GGA2: variants seen among roughly 807,000 people sequenced by gnomAD.
The protein encoded by GGA2 is ADP-ribosylation factor-binding protein GGA2.
GGA2 carries 48 observed loss-of-function variants against 79.5 expected under a neutral mutation model. The ratio of observed to expected loss-of-function variants is 0.60; its 90% confidence interval spans 0.48 to 0.77. The LOEUF (loss-of-function observed/expected upper bound fraction) is 0.77. Ranked by LOEUF, GGA2 falls within the 30% of genes least tolerant of loss-of-function variation. The probability of loss-of-function intolerance (pLI) is 0.00; values close to 1 mark genes in which losing one functional copy is unlikely to be tolerated. For missense variants in GGA2, 770 were observed against 774.0 expected, an observed-to-expected ratio of 0.99 and a Z score of 0.06; for synonymous variants, 317 against 302.0, an observed-to-expected ratio of 1.05 and a Z score of -0.51.
intron 1 of GGA2, among the ~76,000 whole-genome samples, chr16:23,519,927 T>C (rs1405434344): frequency 1.3e-5 from 2 of 152,214 alleles, no homozygotes; most frequent in Non-Finnish European, 2.9e-5. Context: ...CTAACATTTA[T>C]TAAATGCCAT....
intron 2 of GGA2, among the ~76,000 whole-genome samples, chr16:23,518,708 C>G (rs1396534356): frequency 2.2e-5 from 1 of 45,540 alleles, no homozygotes; most frequent in Non-Finnish European, 5.3e-5. Context: ...GGAAGTGATA[C>G]TGGTAACTGT....
At chr16:23,493,675 A>T (rs1964818709) in intron 3 of GGA2, 2 of 528,572 alleles carry the variant, frequency 3.8e-6, no homozygotes, top group Non-Finnish European at 6.8e-6. Context: ...GTTTATGCCC[A>T]GGAAATAGCT....
intron 2 of GGA2, among the ~76,000 whole-genome samples, chr16:23,515,696 G>GTA (rs1240338944): frequency 6.6e-6 from 1 of 152,032 alleles, no homozygotes; most frequent in African/African-American, 2.4e-5. Flanking sequence ...TCTGTCCTTG[G>GTA]TACTCCTGGA....
chr16:23,473,862 C>T (rs543541050), intron 14 of GGA2, among the ~76,000 whole-genome samples: 1 of 152,094 alleles, frequency 6.6e-6, no homozygotes, highest in Non-Finnish European at 1.5e-5. Flanking sequence ...AATCAAAAAT[C>T]AATAAAGAAA....
chr16:23,495,721 C>G lies in GGA2; in HGVS notation c.149G>C (p.Cys50Ser), dbSNP rs1964846672. 1 of 1,611,648 alleles carries G rather than the reference C, an allele frequency of 6.2e-7. No individual in the cohort carries two copies. The highest frequency in any genetic ancestry group is 8.5e-7 in the Non-Finnish European group (1 of 1,177,926). The change falls in exon 2 of 17, where the codon TGT (cysteine) becomes TCT (serine). Residue 50 changes from cysteine to serine, a missense_variant. Coordinates refer to ENST00000309859, the MANE Select transcript of GGA2 (RefSeq NM_015044.4). ...ATTGGGGTCAGTGTTCACCTGCTCA[C>G]AGAAATTCTGGATAGCTGACCAATC... ...EQDWSAIQNF[C>S]EQVNTDPNGP...
chr16:23,485,543 G>A (rs868525803), intron 8 of GGA2, among the ~76,000 whole-genome samples: 23 of 152,016 alleles, frequency 1.5e-4, no homozygotes, highest in Admixed American at 3.3e-4. Flanking sequence ...AATGAAAATC[G>A]ATGTTCACAC....
chr16:23,470,388 C>T (rs1241595501), intron 14 of GGA2, among the ~76,000 whole-genome samples: 1 of 152,140 alleles, frequency 6.6e-6, no homozygotes, highest in Non-Finnish European at 1.5e-5. Flanking sequence ...AACCATCATA[C>T]ACACACCACC....
chr16:23,470,022 T>C lies in GGA2; in HGVS notation c.1594A>G (p.Ile532Val), dbSNP rs568617546. 6.4e-7 allele frequency: 1 copy of C among 1,571,016 alleles called. No individual in the cohort carries two copies. The highest frequency in any genetic ancestry group is 1.4e-5 in the African/African-American group (1 of 73,358). The stretch of plus-strand genomic sequence containing the variant: ...TTTGGCACAGCCACTTGAAACATGA[T>C]ATCCCAGACAGGCTGGGGAGCCGTG... ...MSTAPQPVWD[I>V]MFQVAVPKSM... Residue 532 changes from isoleucine to valine, a missense_variant, in exon 15 of 17, where the codon ATC (isoleucine) becomes GTC (valine). Physicochemically the swap from Ile to Val is conservative, Grantham distance 29. Coordinates refer to ENST00000309859, the MANE Select transcript of GGA2 (RefSeq NM_015044.4).
At chr16:23,493,278 C>T (rs913824131) in intron 4 of GGA2, 82 bp downstream of exon 4, 2 of 842,330 alleles carry the variant, frequency 2.4e-6, no homozygotes, top group Admixed American at 1.7e-5. Context: ...CGTGGGCCTG[C>T]CTCTGGCCTG....
chr16:23,491,667 C>G lies in GGA2; in HGVS notation c.475+10G>C. On this transcript the variant is annotated intron_variant, in intron 5 of 16. Coordinates refer to ENST00000309859, the MANE Select transcript of GGA2 (RefSeq NM_015044.4). Reference sequence around the variant, plus strand: ...CAAGAGGAAATAAGACACAGTAAGGCAAGTCAGACCTTGTTTCTTCAGCAT... The same window carrying G: ...CAAGAGGAAATAAGACACAGTAAGGGAAGTCAGACCTTGTTTCTTCAGCAT... The G allele has an allele frequency of 6.2e-7, 1 of 1,612,388 alleles. No homozygotes were observed. The highest frequency in any genetic ancestry group is 1.1e-5 in the South Asian group (1 of 91,018).
At chr16:23,473,837 A>G (rs1438255090) in intron 14 of GGA2, among the ~76,000 whole-genome samples, 1 of 152,358 alleles carries the variant, frequency 6.6e-6, no homozygotes, top group East Asian at 1.9e-4. Flanking sequence ...AACATTGAAC[A>G]TGTATTATTT....
At chr16:23,504,172 T>C (rs978191328) in intron 1 of GGA2, among the ~76,000 whole-genome samples, 1 of 151,916 alleles carries the variant, frequency 6.6e-6, no homozygotes, top group Non-Finnish European at 1.5e-5. Flanking sequence ...CTACACCATT[T>C]TACAGATGAA....
chr16:23,501,568 A>G (rs1181406509), intron 1 of GGA2: 2 of 325,108 alleles, frequency 6.2e-6, no homozygotes, highest in Admixed American at 4.2e-5. Context: ...AGGCTGTGTC[A>G]TGGCCGTGTG....
chr16:23,492,237 A>G (rs1016397603), intron 4 of GGA2, among the ~76,000 whole-genome samples: 3 of 152,208 alleles, frequency 2.0e-5, no homozygotes, highest in Non-Finnish European at 2.9e-5. Context: ...GTGAGTGCCT[A>G]GAGAGCTTCA....
chr16:23,494,056 G>T (rs950580551), intron 3 of GGA2: 6 of 533,264 alleles, frequency 1.1e-5, no homozygotes, highest in Non-Finnish European at 2.0e-5. Flanking sequence ...AAGGGCAAAT[G>T]AAATAAAACC....
At position 23,466,456 on chromosome 16, in the gene GGA2, TCTC is replaced by T. The variant is rs1302956340; in HGVS notation, c.*1131_*1133del. The T allele has an allele frequency of 6.6e-6, 1 of 152,206 alleles. No individual in the cohort carries two copies. Among genetic ancestry groups the T allele is most frequent in the African/African-American group, 2.4e-5 (1 of 41,452 alleles). 9.4% of individuals were successfully genotyped at this position (152,206 alleles called of 1,614,324 possible). A position where few individuals can be genotyped will look rare whatever the true frequency, so the allele number is the denominator to read the frequency against. ...TGCCTCAGATCTTCAGGTTCTCTCTTCTCTGAGGCAGCTAAGCTTCTACATCCT... is the reference window on the plus strand; with the variant it reads ...TGCCTCAGATCTTCAGGTTCTCTCTTTGAGGCAGCTAAGCTTCTACATCCT... On this transcript the variant is annotated 3_prime_UTR_variant, in exon 17 of 17. Coordinates refer to ENST00000309859, the MANE Select transcript of GGA2 (RefSeq NM_015044.4).
intron 1 of GGA2, among the ~76,000 whole-genome samples, chr16:23,509,660 A>C (rs1965012982): frequency 6.6e-6 from 1 of 151,804 alleles, no homozygotes; most frequent in Admixed American, 6.6e-5. Flanking sequence ...TACAGGAGAC[A>C]TGCAGAAGAA....
intron 2 of GGA2, among the ~76,000 whole-genome samples, chr16:23,518,897 TTGAG>T (rs1363344705): frequency 6.6e-6 from 1 of 152,182 alleles, no homozygotes. Context: ...TCATATTCTT[TTGAG>T]TAAGAGAGTA....
At chr16:23,492,741 G>A (rs965614897) in intron 4 of GGA2, among the ~76,000 whole-genome samples, 5 of 152,190 alleles carry the variant, frequency 3.3e-5, no homozygotes, top group Admixed American at 1.3e-4. Flanking sequence ...GGGGTCATAG[G>A]AACCCCTGAA....
Sources: gnomAD v4.1 joint callset for allele counts (sites outside exome capture counted in the v4.1 genomes callset) on GRCh38, gnomAD v4.1.1 for gene constraint, MANE v1.5 for transcripts, NCBI Gene and HGNC (gene_info 2026-07-23, HGNC 2026-07-21) for gene names.